The following GABRB3 variants were observed in gnomAD, a reference collection of about 807,000 sequenced individuals.
GABRB3 encodes gamma-aminobutyric acid receptor subunit beta-3.
GABRB3 carries 14 observed loss-of-function variants against 52.1 expected under a neutral mutation model. That is an observed-to-expected ratio of 0.27 (90% CI 0.18 to 0.42). The LOEUF is 0.42. Among genes scored for constraint, GABRB3 ranks in the 10% least tolerant of loss-of-function variants. The pLI is 1.00. For synonymous variants in GABRB3, 260 were observed against 232.3 expected (o/e 1.12, Z -1.08); for missense variants, 307 against 609.1 (o/e 0.50, Z 5.22).
intron 4 of GABRB3, among the ~76,000 whole-genome samples, chr15:26,617,116 C>G (rs1011469359): frequency 1.3e-5 from 2 of 152,184 alleles, no homozygotes; most frequent in African/African-American, 2.4e-5. Flanking sequence ...AAGAGTCCAG[C>G]ACCAGATGGA....
chr15:26,724,157 C>G (rs1330457299), intron 3 of GABRB3, among the ~76,000 whole-genome samples: 2 of 152,210 alleles, frequency 1.3e-5, no homozygotes, highest in Non-Finnish European at 2.9e-5. Context: ...AGGGAACATT[C>G]TGCCCATCTT....
intron 3 of GABRB3, among the ~76,000 whole-genome samples, chr15:26,674,426 A>G (rs796557130): frequency 3.1e-4 from 29 of 93,198 alleles, no homozygotes; most frequent in South Asian, 2.7e-3. Context: ...AAAAAAGAAA[A>G]GAAAAGAAAG....
chr15:26,649,295 G>A (rs994597447), intron 3 of GABRB3, among the ~76,000 whole-genome samples: 1 of 152,050 alleles, frequency 6.6e-6, no homozygotes, highest in African/African-American at 2.4e-5. Context: ...ATGCCCTTCT[G>A]TCTCCTCTTC....
intron 3 of GABRB3, among the ~76,000 whole-genome samples, chr15:26,641,779 G>T (rs1362500475): frequency 6.6e-6 from 1 of 152,184 alleles, no homozygotes; most frequent in Non-Finnish European, 1.5e-5. Flanking sequence ...CTGCACTAAT[G>T]AAGTGGCATC....
intron 4 of GABRB3, among the ~76,000 whole-genome samples, chr15:26,617,405 GA>G (rs1216407246): frequency 6.6e-6 from 1 of 151,496 alleles, no homozygotes; most frequent in Non-Finnish European, 1.5e-5. Context: ...CAGAACCAAA[GA>G]AAAAAACCAC....
At chr15:26,671,902 C>A (rs1887909885) in intron 3 of GABRB3, among the ~76,000 whole-genome samples, 1 of 152,024 alleles carries the variant, frequency 6.6e-6, no homozygotes. Context: ...AGTTTGAGCT[C>A]ATTTGATCCC....
chr15:26,668,961 C>T (rs1412990651), intron 3 of GABRB3, among the ~76,000 whole-genome samples: 2 of 152,172 alleles, frequency 1.3e-5, no homozygotes, highest in Non-Finnish European at 2.9e-5. Context: ...CACACCATAT[C>T]GAACACAATG....
At chr15:26,699,741 C>T (rs1448837142) in intron 3 of GABRB3, among the ~76,000 whole-genome samples, 1 of 151,620 alleles carries the variant, frequency 6.6e-6, no homozygotes, top group Non-Finnish European at 1.5e-5. Flanking sequence ...TTAGAAACAA[C>T]TCAAAATAAA....
chr15:26,668,020 C>G (rs375511663), intron 3 of GABRB3, among the ~76,000 whole-genome samples: 4 of 152,138 alleles, frequency 2.6e-5, no homozygotes, highest in African/African-American at 9.7e-5. Flanking sequence ...AGATTCCCTG[C>G]GTAACACCCT....
intron 4 of GABRB3, chr15:26,614,808 G>C (rs1489134974): frequency 1.3e-5 from 2 of 152,136 alleles, no homozygotes; most frequent in Non-Finnish European, 2.9e-5. Flanking sequence ...TTTAAGTATA[G>C]AAATGGCAAT....
chr15:26,646,132 C>T (rs1278862577), intron 3 of GABRB3, among the ~76,000 whole-genome samples: 1 of 152,056 alleles, frequency 6.6e-6, no homozygotes, highest in Non-Finnish European at 1.5e-5. Context: ...AGTAAATTGA[C>T]AGTCATGCAT....
At chr15:26,705,937 A>G (rs966007868) in intron 3 of GABRB3, among the ~76,000 whole-genome samples, 1 of 152,162 alleles carries the variant, frequency 6.6e-6, no homozygotes, top group Non-Finnish European at 1.5e-5. Context: ...AAAACTTCCT[A>G]TTGGGTACCA....
intron 3 of GABRB3, among the ~76,000 whole-genome samples, chr15:26,649,117 A>G (rs539109016): frequency 6.6e-6 from 1 of 152,272 alleles, no homozygotes; most frequent in South Asian, 2.1e-4. Context: ...CTACGGTGAG[A>G]AGCATTGCTA....
chr15:26,735,178 A>G (rs907455892), intron 3 of GABRB3, among the ~76,000 whole-genome samples: 2 of 152,206 alleles, frequency 1.3e-5, no homozygotes, highest in Non-Finnish European at 2.9e-5. Context: ...ACAAATCAAA[A>G]CCACAATGAA....
intron 3 of GABRB3, among the ~76,000 whole-genome samples, chr15:26,760,377 GC>G (rs2140182425): frequency 6.6e-6 from 1 of 152,260 alleles, no homozygotes; most frequent in African/African-American, 2.4e-5. Context: ...TGAACGACTT[GC>G]CAGAGTTCAC....
chr15:26,759,473 C>A (rs1030429042), intron 3 of GABRB3, among the ~76,000 whole-genome samples: 1 of 152,144 alleles, frequency 6.6e-6, no homozygotes, highest in African/African-American at 2.4e-5. Context: ...GTTGGCCAGA[C>A]TGGTCTTGAA....
At chr15:26,667,069 T>C (rs934261630) in intron 3 of GABRB3, among the ~76,000 whole-genome samples, 13 of 152,118 alleles carry the variant, frequency 8.5e-5, no homozygotes, top group Non-Finnish European at 5.9e-5. Flanking sequence ...AGGACATGGA[T>C]TGATTGAGAG....
chr15:26,689,419 C>G (rs868021565), intron 3 of GABRB3, among the ~76,000 whole-genome samples: 1 of 152,062 alleles, frequency 6.6e-6, no homozygotes, highest in African/African-American at 2.4e-5. Context: ...ACAGACACTT[C>G]CAGGAAGGGG....
At chr15:26,559,180 T>C (rs1020032045) in intron 8 of GABRB3, among the ~76,000 whole-genome samples, 6 of 152,234 alleles carry the variant, frequency 3.9e-5, no homozygotes, top group African/African-American at 1.4e-4. Flanking sequence ...TCATGAATTG[T>C]TGAGCACCAT....
Sources: gnomAD v4.1 joint callset for allele counts (sites outside exome capture counted in the v4.1 genomes callset) on GRCh38, gnomAD v4.1.1 for gene constraint, MANE v1.5 for transcripts, NCBI Gene and HGNC (gene_info 2026-07-23, HGNC 2026-07-21) for gene names.